WDR43: variants seen among roughly 807,000 people sequenced by gnomAD.
WDR43 encodes WD repeat-containing protein 43.
WDR43 carries 13 observed loss-of-function variants against 91.4 expected under a neutral mutation model. That is an observed-to-expected ratio of 0.14 (90% CI 0.09 to 0.23). The LOEUF is 0.23. Ranked by LOEUF, WDR43 falls within the 10% of genes least tolerant of loss-of-function variation. WDR43 has a pLI of 1.00. For synonymous variants in WDR43, 331 were observed against 287.9 expected (o/e 1.15, Z -1.51); for missense variants, 780 against 809.4 (o/e 0.96, Z 0.44).
chr2:28,899,162 G>C (rs986185091), intron 1 of WDR43, among the ~76,000 whole-genome samples: 6 of 152,186 alleles, frequency 3.9e-5, no homozygotes, highest in African/African-American at 1.4e-4. Context: ...AGATTTTCCA[G>C]TTACAAATAT....
chr2:28,927,986 C>T, intron 10 of WDR43: 1 of 291,666 alleles, frequency 3.4e-6, no homozygotes, highest in South Asian at 4.7e-5. Flanking sequence ...CCAGGACTTG[C>T]TGTGATGACT....
Position 28,927,576 on chromosome 2 carries a change from C to T in WDR43, c.1181C>T (p.Thr394Ile). 1 of 1,613,704 alleles carries T rather than the reference C, an allele frequency of 6.2e-7. No homozygotes were observed. Among genetic ancestry groups the T allele is most frequent in the Admixed American group, 1.7e-5 (1 of 59,978 alleles). Residue 394 changes from threonine (T) to isoleucine (I), a missense_variant, in exon 10 of 18, where the codon ACA becomes ATA. By Grantham distance (89) the Thr-to-Ile change is moderately conservative. Transcript: ENST00000407426. ...KVETAITKVR[T>I]PVMNSEAKVL... is the part of the protein sequence containing the mutation. ...GCTATTCCTGTTGAACAGGTGAGGA[C>T]ACCAGTGATGAATTCTGAAGCAAAA...
chr2:28,931,957 G>T (rs1671256232), intron 11 of WDR43, among the ~76,000 whole-genome samples: 1 of 145,340 alleles, frequency 6.9e-6, no homozygotes, highest in South Asian at 2.2e-4. Context: ...GTAGCTCACT[G>T]CATGAACTCC....
intron 6 of WDR43, among the ~76,000 whole-genome samples, chr2:28,919,251 G>A (rs1327625032): frequency 6.6e-6 from 1 of 151,140 alleles, no homozygotes; most frequent in African/African-American, 2.4e-5. Flanking sequence ...GTGAGACCCC[G>A]TCTCAGTAAA....
Position 28,927,551 on chromosome 2 carries a change from G to A in WDR43, c.1174-18G>A. ...GTATGATTTCCTTTTTCACACTTTG[G>A]CTATTCCTGTTGAACAGGTGAGGAC... On this transcript the variant is annotated intron_variant, in intron 9 of 17. Coordinates refer to ENST00000407426, the MANE Select transcript of WDR43 (RefSeq NM_015131.3). 2 of 1,612,184 alleles carry A rather than the reference G, an allele frequency of 1.2e-6. No individual in the cohort carries two copies. The highest frequency in any genetic ancestry group is 3.4e-5 in the Admixed American group (2 of 59,686).
intron 12 of WDR43, among the ~76,000 whole-genome samples, chr2:28,935,920 ATTG>A: frequency 6.6e-6 from 1 of 152,324 alleles, no homozygotes. Flanking sequence ...CATGGGAATA[ATTG>A]TTGTAAACAC....
chr2:28,935,412 C>A, intron 11 of WDR43, 109 bp from the exon 12 acceptor site: 1 of 688,850 alleles, frequency 1.5e-6, no homozygotes, highest in Admixed American at 3.4e-5. Context: ...TAGTTTATTG[C>A]CTTGGTCTTA....
At chr2:28,930,958 C>A (rs1355497754) in intron 11 of WDR43, among the ~76,000 whole-genome samples, 2 of 151,968 alleles carry the variant, frequency 1.3e-5, no homozygotes, top group Admixed American at 6.6e-5. Flanking sequence ...CTTAAAACAT[C>A]CTTTAAAAAA....
At chr2:28,931,837 G>A (rs1320289845) in intron 11 of WDR43, among the ~76,000 whole-genome samples, 1 of 150,452 alleles carries the variant, frequency 6.6e-6, no homozygotes, top group Non-Finnish European at 1.5e-5. Context: ...TGAAAAGTTA[G>A]TAAAGAGCAT....
chr2:28,944,291 A>AAC (rs10677276), intron 16 of WDR43, among the ~76,000 whole-genome samples: 151,615 of 152,338 alleles, frequency 1, 75,450 homozygotes, highest in East Asian at 1. Flanking sequence ...TTTTCATTAA[A>AAC]TTGATTTGTG....
intron 3 of WDR43, among the ~76,000 whole-genome samples, chr2:28,910,361 G>A (rs116524153): frequency 6.6e-6 from 1 of 152,286 alleles, no homozygotes; most frequent in East Asian, 1.9e-4. Flanking sequence ...GAGAATTGAA[G>A]CTGTGGGAAT....
chr2:28,920,613 A>G (rs1671005876), intron 6 of WDR43, among the ~76,000 whole-genome samples: 1 of 152,116 alleles, frequency 6.6e-6, no homozygotes. Flanking sequence ...TGGAAGAAAA[A>G]TCACTTTCCT....
intron 3 of WDR43, 123 bp from the exon 4 acceptor site, chr2:28,912,467 A>G (rs1670820424): frequency 1.7e-6 from 2 of 1,194,944 alleles, no homozygotes; most frequent in Non-Finnish European, 2.4e-6. Flanking sequence ...TAGGGAATGT[A>G]ATTGTCACAG....
intron 6 of WDR43, 147 bp downstream of exon 6, chr2:28,918,142 G>A (rs1260606521): frequency 1.5e-6 from 1 of 680,938 alleles, no homozygotes; most frequent in South Asian, 1.9e-5. Flanking sequence ...CTGTTCAAAG[G>A]AACTTAAATC....
intron 7 of WDR43, among the ~76,000 whole-genome samples, chr2:28,924,678 C>G (rs747005497): frequency 3.9e-5 from 6 of 152,042 alleles, no homozygotes; most frequent in Non-Finnish European, 8.8e-5. Flanking sequence ...CAGAACCATA[C>G]AGGACCTGAA....
At chr2:28,900,550 C>G (rs1452611841) in intron 1 of WDR43, among the ~76,000 whole-genome samples, 1 of 152,128 alleles carries the variant, frequency 6.6e-6, no homozygotes, top group Non-Finnish European at 1.5e-5. Flanking sequence ...GTACTTCCCC[C>G]AACTCTCCTT....
chr2:28,903,744 A>C (rs1215799812), intron 2 of WDR43, among the ~76,000 whole-genome samples: 1 of 152,156 alleles, frequency 6.6e-6, no homozygotes, highest in East Asian at 1.9e-4. Context: ...TGTGTTCAGC[A>C]GGTACCTAGC....
chr2:28,942,215 T>A (rs1671451067), intron 15 of WDR43, 97 bp from the exon 16 acceptor site: 1 of 1,187,744 alleles, frequency 8.4e-7, no homozygotes, highest in African/African-American at 1.5e-5. Flanking sequence ...GAGGGTGAGT[T>A]AGCAGCAAGC....
rs1377007002 is a variant in WDR43, at chr2:28,927,556, TC to T, written c.1174-11del. The T allele has an allele frequency of 6.2e-7, 1 of 1,611,590 alleles. No homozygotes were observed. The highest frequency in any genetic ancestry group is 8.5e-7 in the Non-Finnish European group (1 of 1,178,174). On this transcript the variant is annotated splice_polypyrimidine_tract_variant and intron_variant, in intron 9 of 17. Transcript: ENST00000407426. The stretch of plus-strand genomic sequence containing the variant: ...ATTTCCTTTTTCACACTTTGGCTAT[TC>T]CTGTTGAACAGGTGAGGACACCAGT...
Sources: allele counts gnomAD v4.1 joint callset (sites outside exome capture counted in the v4.1 genomes callset), GRCh38; gene constraint gnomAD v4.1.1; transcripts MANE v1.5; gene names NCBI Gene and HGNC (gene_info 2026-07-23, HGNC 2026-07-21).